Variants in ARMC9 observed in about 807,000 individuals in gnomAD.
The protein encoded by ARMC9 is lisH domain-containing protein ARMC9.
Under a neutral mutation model 107.0 loss-of-function variants are expected in ARMC9, and 94 were observed. The observed-to-expected ratio is 0.88, with a 90% confidence interval of 0.74 to 1.04. The LOEUF is 1.04. Among genes scored for constraint, ARMC9 ranks in the 50% least tolerant of loss-of-function variants. ARMC9 has a pLI of 0.00. For missense variants in ARMC9, 942 were observed against 1,030.1 expected (o/e 0.91, Z 1.17); for synonymous variants, 380 against 396.9 (o/e 0.96, Z 0.51).
chr2:231,355,737 G>T, intron 21 of ARMC9, 61 bp from the exon 22 acceptor site: 9 of 1,485,082 alleles, frequency 6.1e-6, no homozygotes, highest in East Asian at 2.5e-5. Context: ...GCAGTCGGCA[G>T]TCGGCAGTCC....
chr2:231,263,535 A>G (rs1222189968), intron 12 of ARMC9, among the ~76,000 whole-genome samples: 1 of 152,208 alleles, frequency 6.6e-6, no homozygotes, highest in Non-Finnish European at 1.5e-5. Flanking sequence ...ATTAATGCCT[A>G]ATATCCTCTT....
At chr2:231,247,012 G>A (rs981574680) in intron 9 of ARMC9, among the ~76,000 whole-genome samples, 6 of 151,424 alleles carry the variant, frequency 4.0e-5, no homozygotes, top group Non-Finnish European at 8.8e-5. Context: ...CTGGAGTGCA[G>A]TGGCACGGTC....
At chr2:231,207,992 T>A in intron 2 of ARMC9, 135 bp from the exon 3 acceptor site, 1 of 541,674 alleles carries the variant, frequency 1.8e-6, no homozygotes, top group Non-Finnish European at 3.3e-6. Flanking sequence ...GTTAGTGATG[T>A]TAAGCACCTT....
intron 21 of ARMC9, among the ~76,000 whole-genome samples, chr2:231,351,155 C>T (rs2045060012): frequency 6.8e-6 from 1 of 147,736 alleles, no homozygotes; most frequent in African/African-American, 2.5e-5. Context: ...GACGGGGTTT[C>T]ACTGTGTTAG....
At position 231,255,520 on chromosome 2, in the gene ARMC9, A is replaced by AT. The variant is rs780446292; in HGVS notation, c.880-1057dup. On this transcript the variant is annotated intron_variant, in intron 9 of 24. Coordinates refer to ENST00000611582, the MANE Select transcript of ARMC9 (RefSeq NM_001352754.2). The surrounding 1 kb of genome is among the most constrained non-coding windows in gnomAD (Gnocchi z 4.7). ...GAGAACCCATCGTTTTCCATAGAGG[A>AT]TTTTTTTTTGTTTGGTTGTTTTTGT... Among the ~76,000 whole-genome samples, 689 of 151,538 alleles carry AT rather than the reference A, an allele frequency of 4.5e-3. 7 individuals are homozygous for AT. The highest frequency in any genetic ancestry group is 0.012 in the African/African-American group (516 of 41,310).
intron 8 of ARMC9, among the ~76,000 whole-genome samples, chr2:231,237,459 A>T (rs59759260): frequency 0.14 from 20,912 of 151,876 alleles, 3,012 homozygotes; most frequent in African/African-American, 0.36. Context: ...CATCCTTGTG[A>T]ATACTGTACA....
At chr2:231,230,721 A>G (rs149457169) in intron 7 of ARMC9, among the ~76,000 whole-genome samples, 3 of 152,354 alleles carry the variant, frequency 2.0e-5, no homozygotes, top group East Asian at 1.9e-4. Flanking sequence ...ACATCTTCCC[A>G]TATACATTAA....
chr2:231,339,612 T>C (rs1319913425), intron 20 of ARMC9, among the ~76,000 whole-genome samples: 3 of 152,146 alleles, frequency 2.0e-5, no homozygotes, highest in Non-Finnish European at 4.4e-5. Flanking sequence ...CGTTTTGTTA[T>C]TAAATTTGAG....
intron 8 of ARMC9, among the ~76,000 whole-genome samples, chr2:231,237,347 A>G (rs1321783208): frequency 1.3e-5 from 2 of 152,148 alleles, no homozygotes; most frequent in Non-Finnish European, 2.9e-5. Flanking sequence ...TAATTCTTAT[A>G]CACAATTGCA....
At position 231,345,425 on chromosome 2, in the gene ARMC9, G is replaced by A. The variant is rs781182406; in HGVS notation, c.1994+335G>A. ...TGTCGTGCCTTTTCTGTGGCCTCTC[G>A]TCACAGCACCAAGCCCTGTGTTGGG... On this transcript the variant is annotated intron_variant, in intron 21 of 24. Coordinates refer to ENST00000611582, the MANE Select transcript of ARMC9 (RefSeq NM_001352754.2). Among the ~76,000 whole-genome samples the A allele has an allele frequency of 3.3e-5, 5 of 152,184 alleles. No homozygotes were observed. The South Asian group carries it at 6.2e-4, about 19-fold the overall frequency.
chr2:231,292,990 G>A (rs2041122453), intron 18 of ARMC9, among the ~76,000 whole-genome samples: 1 of 152,198 alleles, frequency 6.6e-6, no homozygotes, highest in South Asian at 2.1e-4. Flanking sequence ...GTGCAGCCAA[G>A]GGCAGAGCCT....
intron 3 of ARMC9, among the ~76,000 whole-genome samples, chr2:231,209,261 G>A (rs1031115626): frequency 2.0e-5 from 3 of 152,088 alleles, no homozygotes; most frequent in Non-Finnish European, 4.4e-5. Flanking sequence ...TGCACCTGTA[G>A]TCCCAGCTAC....
At chr2:231,235,094 C>G in intron 7 of ARMC9, 130 bp from the exon 8 acceptor site, 1 of 981,438 alleles carries the variant, frequency 1.0e-6, no homozygotes, top group Non-Finnish European at 1.5e-6. Flanking sequence ...GTGTGAAACA[C>G]AAGTAGTGTC....
Position 231,316,839 on chromosome 2 carries a change from T to A in ARMC9, c.1774-14954T>A, listed in dbSNP as rs566629758. Among the ~76,000 whole-genome samples, 5 of 152,274 alleles carry A rather than the reference T, an allele frequency of 3.3e-5. No homozygotes were observed. The South Asian group carries it at 1.0e-3, about 32-fold the overall frequency. On this transcript the variant is annotated intron_variant, in intron 19 of 24. Transcript: ENST00000611582. ...GTACAGTGGCTTGACCTTGGCTCAC[T>A]GCAACCTCTACCTCCCAGGTTCAAG...
intron 19 of ARMC9, among the ~76,000 whole-genome samples, chr2:231,311,458 T>A (rs2042341434): frequency 1.3e-5 from 2 of 152,190 alleles, no homozygotes. Flanking sequence ...ACTGAGCATG[T>A]GCCCCGTATA....
intron 1 of ARMC9, among the ~76,000 whole-genome samples, chr2:231,205,817 T>C (rs746806061): frequency 6.6e-6 from 1 of 152,186 alleles, no homozygotes; most frequent in Non-Finnish European, 1.5e-5. Context: ...CCTTATGCAG[T>C]TTTTAGAGGC....
chr2:231,253,330 G>C (rs1290905823), intron 9 of ARMC9, among the ~76,000 whole-genome samples: 1 of 152,070 alleles, frequency 6.6e-6, no homozygotes, highest in Admixed American at 6.6e-5. Flanking sequence ...GGCCAGGCTG[G>C]TCTTGAACTC....
intron 14 of ARMC9, among the ~76,000 whole-genome samples, chr2:231,274,423 C>T (rs1336895141): frequency 1.3e-5 from 2 of 152,238 alleles, no homozygotes; most frequent in African/African-American, 2.4e-5. Context: ...GCCTACACCA[C>T]ATTTTGTTTG....
rs1337168454 is a variant in ARMC9 at position 231,214,993 on chromosome 2, G to A, written c.340G>A (p.Gly114Arg). 7.4e-6 allele frequency: 12 copies of A among 1,614,034 alleles called. No homozygotes were observed. The highest frequency in any genetic ancestry group is 1.0e-5 in the Non-Finnish European group (12 of 1,180,002). ...FAIYLLKYSV[G>R]RPDKEELDEK... ...CATCTATCTTTTGAAGTACTCTGTG[G>A]GGAGACCGGTGGGTTTACCTGGTGA... The change falls in exon 4 of 25, where the codon GGG becomes AGG. Residue 114 changes from glycine to arginine, a missense_variant. Coordinates refer to ENST00000611582, the MANE Select transcript of ARMC9 (RefSeq NM_001352754.2).
Sources: gnomAD v4.1 joint callset for allele counts (sites outside exome capture counted in the v4.1 genomes callset) on GRCh38, gnomAD v4.1.1 for gene constraint, Gnocchi (gnomAD v3.1) non-coding constraint, MANE v1.5 for transcripts, NCBI Gene and HGNC (gene_info 2026-07-23, HGNC 2026-07-21) for gene names.